Variants in MEF2A observed in about 807,000 individuals in gnomAD.
MEF2A encodes myocyte enhancer factor 2A.
A neutral mutation model predicts 55.8 loss-of-function variants in MEF2A; 28 were observed. That is an observed-to-expected ratio of 0.50 (90% confidence interval 0.37 to 0.69). The LOEUF is 0.69. MEF2A is among the 30% of genes least tolerant of loss of function. The pLI is 0.00. For missense variants in MEF2A, 528 were observed against 626.2 expected (o/e 0.84, Z 1.67); for synonymous variants, 239 against 227.1 (o/e 1.05, Z -0.47).
intron 1 of MEF2A, among the ~76,000 whole-genome samples, chr15:99,576,216 G>A (rs12441844): frequency 0.42 from 63,710 of 152,008 alleles, 15,046 homozygotes; most frequent in Middle Eastern, 0.6. Context: ...CTGATTCCTC[G>A]GGCAGTAGTT....
At chr15:99,690,172 C>CGT in intron 7 of MEF2A, 69 bp from the exon 8 acceptor site, 1 of 1,471,858 alleles carries the variant, frequency 6.8e-7, no homozygotes, top group Non-Finnish European at 9.3e-7. Flanking sequence ...CTGGGGAAAA[C>CGT]TTGATTTGTT....
intron 2 of MEF2A, among the ~76,000 whole-genome samples, chr15:99,621,534 T>G (rs1489848573): frequency 6.6e-6 from 1 of 152,104 alleles, no homozygotes; most frequent in Non-Finnish European, 1.5e-5. Context: ...GCAACAGTAG[T>G]AAGTGTTTCT....
At chr15:99,577,268 T>C (rs1374833578) in intron 1 of MEF2A, among the ~76,000 whole-genome samples, 3 of 152,272 alleles carry the variant, frequency 2.0e-5, no homozygotes, top group Non-Finnish European at 4.4e-5. Flanking sequence ...TTGTAACTAT[T>C]GTGTTACTTT....
intron 2 of MEF2A, among the ~76,000 whole-genome samples, chr15:99,629,081 A>G (rs575031758): frequency 4.0e-5 from 6 of 151,574 alleles, no homozygotes; most frequent in Non-Finnish European, 5.9e-5. Context: ...TCAGCTAGCT[A>G]TAACTCTTAT....
intron 4 of MEF2A, among the ~76,000 whole-genome samples, chr15:99,653,927 A>G (rs931767631): frequency 1.3e-5 from 2 of 152,164 alleles, no homozygotes; most frequent in African/African-American, 2.4e-5. Flanking sequence ...TGTATCTCGA[A>G]AACTTTAAAA....
At chr15:99,695,783 C>T (rs1346557256) in intron 8 of MEF2A, among the ~76,000 whole-genome samples, 6 of 151,350 alleles carry the variant, frequency 4.0e-5, no homozygotes, top group South Asian at 2.1e-4. Context: ...CACTTGAACC[C>T]GGGAGGCGGA....
chr15:99,629,086 T>C (rs1335495669), intron 2 of MEF2A, among the ~76,000 whole-genome samples: 2 of 152,038 alleles, frequency 1.3e-5, no homozygotes, highest in Non-Finnish European at 2.9e-5. Flanking sequence ...TAGCTATAAC[T>C]CTTATTGTTG....
chr15:99,671,252 T>C, intron 4 of MEF2A, 71 bp from the exon 5 acceptor site: 4 of 1,536,318 alleles, frequency 2.6e-6, no homozygotes, highest in Non-Finnish European at 3.5e-6. Flanking sequence ...TGTGCTCTCT[T>C]AATAAATTTT....
intron 7 of MEF2A, among the ~76,000 whole-genome samples, chr15:99,688,758 AAAGTAAAT>A (rs2054799239): frequency 1.1e-5 from 1 of 89,962 alleles, no homozygotes; most frequent in Non-Finnish European, 3.1e-5. Flanking sequence ...CTCCGTCTGA[AAAGTAAAT>A]AAATAAATAA....
At chr15:99,671,707 G>T in intron 5 of MEF2A, 1 of 1,449,840 alleles carries the variant, frequency 6.9e-7, no homozygotes, top group South Asian at 1.5e-5. Context: ...TGAAGAGATT[G>T]ACCAAACATC....
At chr15:99,588,602 G>A (rs900649461) in intron 1 of MEF2A, among the ~76,000 whole-genome samples, 30 of 151,340 alleles carry the variant, frequency 2.0e-4, no homozygotes, top group African/African-American at 7.3e-4. Context: ...CACTGCACCT[G>A]GCCTTAATTT....
chr15:99,605,281 G>A (rs1974652499), intron 2 of MEF2A, among the ~76,000 whole-genome samples: 1 of 152,122 alleles, frequency 6.6e-6, no homozygotes, highest in South Asian at 2.1e-4. Context: ...TTCACTTTGA[G>A]CCAACCCAGA....
rs140888006 is a variant in MEF2A, at chr15:99,633,203, A to G, written c.54+30A>G. 5.6e-6 allele frequency: 8 copies of G among 1,439,646 alleles called. No homozygotes were observed. The Admixed American group carries it at 1.8e-4, about 33-fold the overall frequency. The allele number at this position is 1,439,646 out of a possible 1,614,324, so 89.2% of individuals were successfully genotyped here. ...ATGAAAATTTTAATTTATTTAATTG[A>G]TATGAATATTCTTTTAAAAAAAGAA... is the stretch of plus-strand genomic sequence containing the variant. On this transcript the variant is annotated intron_variant, in intron 3 of 11. Coordinates refer to ENST00000557942, the MANE Select transcript of MEF2A (RefSeq NM_001319206.4).
At chr15:99,617,262 GTTT>G (rs201016011) in intron 2 of MEF2A, among the ~76,000 whole-genome samples, 1 of 73,868 alleles carries the variant, frequency 1.4e-5, no homozygotes, top group African/African-American at 3.0e-5. Context: ...TATGTGTTTG[GTTT>G]TTTTTTTTTT....
intron 2 of MEF2A, among the ~76,000 whole-genome samples, chr15:99,605,354 C>T (rs981877680): frequency 6.6e-6 from 1 of 152,200 alleles, no homozygotes; most frequent in African/African-American, 2.4e-5. Context: ...CCATCTGCAA[C>T]CTTAATTCTC....
In MEF2A at chr15:99,584,152, C is replaced by G. The variant is rs139328333; in HGVS notation, c.-224-14278C>G. ...AAAAAATGGTAGACTTAATATAGCA[C>G]AGCTCCATTATAATCTTATGTGACC... is the stretch of plus-strand genomic sequence containing the variant. On this transcript the variant is annotated intron_variant, in intron 1 of 11. Coordinates refer to ENST00000557942, the MANE Select transcript of MEF2A (RefSeq NM_001319206.4). Among the ~76,000 whole-genome samples the G allele has an allele frequency of 2.4e-4, 36 of 152,236 alleles. No homozygotes were observed. The South Asian group carries it at 7.0e-3, about 30-fold the overall frequency.
intron 2 of MEF2A, among the ~76,000 whole-genome samples, chr15:99,632,102 T>C (rs1411975484): frequency 1.3e-5 from 2 of 152,212 alleles, no homozygotes; most frequent in Non-Finnish European, 2.9e-5. Context: ...ACTATATCAT[T>C]TCCAGTCATC....
intron 2 of MEF2A, among the ~76,000 whole-genome samples, chr15:99,602,516 G>A (rs903974201): frequency 6.6e-6 from 1 of 152,118 alleles, no homozygotes; most frequent in African/African-American, 2.4e-5. Context: ...TAGGGAAGCG[G>A]CTGATCACCA....
intron 1 of MEF2A, among the ~76,000 whole-genome samples, chr15:99,593,498 A>G (rs981676910): frequency 2.0e-5 from 3 of 152,224 alleles, no homozygotes; most frequent in Non-Finnish European, 2.9e-5. Context: ...TTGGGTGCCC[A>G]TATGAGTTCA....
Sources: gnomAD v4.1 joint callset for allele counts (sites outside exome capture counted in the v4.1 genomes callset) on GRCh38, gnomAD v4.1.1 for gene constraint, MANE v1.5 for transcripts, NCBI Gene and HGNC (gene_info 2026-07-23, HGNC 2026-07-21) for gene names.